Variants in FNBP4 observed in about 807,000 individuals in gnomAD.
The protein encoded by FNBP4 is formin binding protein 4, also known as formin-binding protein 4.
FNBP4 carries 34 observed loss-of-function variants against 119.3 expected under a neutral mutation model. The ratio of observed to expected loss-of-function variants is 0.28; its 90% CI spans 0.22 to 0.38. The LOEUF is 0.38. FNBP4 is among the 10% of genes least tolerant of loss of function. FNBP4 has a pLI of 1.00. For missense variants in FNBP4, 1,112 were observed against 1,228.9 expected (o/e 0.90, Z 1.42); for synonymous variants, 462 against 430.6 (o/e 1.07, Z -0.90).
intron 2 of FNBP4, among the ~76,000 whole-genome samples, chr11:47,760,135 G>A (rs1463392466): frequency 1.3e-5 from 2 of 152,046 alleles, no homozygotes; most frequent in Non-Finnish European, 2.9e-5. Context: ...TCACCTAAGA[G>A]CTTTTCACCT....
chr11:47,742,868 C>T (rs960480775), intron 8 of FNBP4, among the ~76,000 whole-genome samples: 2 of 151,714 alleles, frequency 1.3e-5, no homozygotes, highest in African/African-American at 4.8e-5. Context: ...CCAGCCTGGG[C>T]AACAAGAGTG....
intron 2 of FNBP4, among the ~76,000 whole-genome samples, chr11:47,755,808 AAAAC>A (rs1310145653): frequency 6.6e-6 from 1 of 151,878 alleles, no homozygotes; most frequent in Admixed American, 6.6e-5. Flanking sequence ...AAAAAAAACA[AAAAC>A]AAAAAAAATC....
At position 47,732,707 on chromosome 11, in the gene FNBP4, T is replaced by C; in HGVS notation, c.1687-37A>G. 2 of 1,588,308 alleles carry C rather than the reference T, an allele frequency of 1.3e-6. No individual in the cohort carries two copies. Among genetic ancestry groups the C allele is most frequent in the Non-Finnish European group, 8.6e-7 (1 of 1,156,532 alleles). ...AGACAAATAAGTTAAAGACTTATTA[T>C]TACATGTCAGGAGACACAGGCAAAG... On this transcript the variant is annotated intron_variant, in intron 10 of 16. Transcript: ENST00000263773. This position sits in a 1 kb window ranked among gnomAD's most constrained non-coding sequence, Gnocchi z 4.2.
chr11:47,721,103 C>G (rs944040344), intron 15 of FNBP4, among the ~76,000 whole-genome samples: 1 of 151,704 alleles, frequency 6.6e-6, no homozygotes, highest in Non-Finnish European at 1.5e-5. Context: ...GGGAGGATCA[C>G]GAGGTCAGGT....
chr11:47,754,480 C>A, intron 3 of FNBP4, 48 bp downstream of exon 3: 1 of 1,596,352 alleles, frequency 6.3e-7, no homozygotes, highest in Non-Finnish European at 8.5e-7. Flanking sequence ...AGATCCAGGT[C>A]CCAAAGTAGC....
chr11:47,732,000 G>A, intron 11 of FNBP4: 1 of 993,122 alleles, frequency 1.0e-6, no homozygotes, highest in African/African-American at 1.7e-5. Context: ...ATCAAACACA[G>A]TGAAAGCTAA....
At chr11:47,740,738 G>A (rs887591990) in intron 8 of FNBP4, among the ~76,000 whole-genome samples, 1 of 151,412 alleles carries the variant, frequency 6.6e-6, no homozygotes, top group African/African-American at 2.4e-5. Context: ...GATTACAGGC[G>A]AGCACCACCA....
intron 2 of FNBP4, among the ~76,000 whole-genome samples, chr11:47,756,392 CT>C (rs2097618266): frequency 2.0e-5 from 3 of 152,178 alleles, no homozygotes; most frequent in African/African-American, 7.2e-5. Flanking sequence ...AAAGTTAAAT[CT>C]AGTTTTGTGT....
At chr11:47,759,416 G>T (rs1247302877) in intron 2 of FNBP4, among the ~76,000 whole-genome samples, 1 of 151,666 alleles carries the variant, frequency 6.6e-6, no homozygotes, top group East Asian at 2.0e-4. Flanking sequence ...GTTTCACCAT[G>T]TTGGCCAGGC....
rs2097612039 is a variant in FNBP4, at chr11:47,754,536, A to G, written c.442T>C (p.Phe148Leu). ...ACGAAAGCACCACTAACCGCTAGGA[A>G]GTTGGCCAATGTACTATCAATATCA... ...STDIDSTLAN[F>L]LAEIDAITAP... Residue 148 changes from phenylalanine (F) to leucine (L), a missense_variant, in exon 3 of 17, where the codon TTC becomes CTC. Physicochemically the swap from Phe to Leu is conservative, Grantham distance 22. Coordinates refer to ENST00000263773, the MANE Select transcript of FNBP4 (RefSeq NM_015308.5). The G allele has an allele frequency of 6.2e-7, 1 of 1,613,294 alleles. No homozygotes were observed.
chr11:47,759,361 A>G (rs2097627785), intron 2 of FNBP4, among the ~76,000 whole-genome samples: 1 of 150,278 alleles, frequency 6.7e-6, no homozygotes, highest in Admixed American at 6.7e-5. Context: ...ATAGGCGTGC[A>G]CCACCACGCC....
chr11:47,753,029 C>A lies in FNBP4; in HGVS notation c.524G>T (p.Arg175Leu). 6.2e-7 allele frequency: 1 copy of A among 1,613,924 alleles called. No homozygotes were observed. The highest frequency in any genetic ancestry group is 1.1e-5 in the South Asian group (1 of 91,024). The change falls in exon 4 of 17, where the codon CGA (arginine) becomes CTA (leucine). Residue 175 changes from arginine (R) to leucine (L), a missense_variant. Arg to Leu is a moderately radical substitution (Grantham distance 102). Transcript: ENST00000263773. ...TGTTGCTGCTTCCTTTGGCTCTGGT[C>A]GAGGTGGAGTTGGAGGTGGAGCAGA... ...GASAPPPTPPRPEPKEAATST... is the reference protein window; with the variant it reads ...GASAPPPTPPLPEPKEAATST...
At chr11:47,741,356 G>C (rs941910319) in intron 8 of FNBP4, among the ~76,000 whole-genome samples, 1 of 151,590 alleles carries the variant, frequency 6.6e-6, no homozygotes, top group Non-Finnish European at 1.5e-5. Context: ...ACATTTTAGA[G>C]ACAGTGTCTT....
Position 47,767,278 on chromosome 11 carries a change from T to C in FNBP4, c.11A>G (p.Lys4Arg), listed in dbSNP as rs1014029895. 1.3e-6 allele frequency: 2 copies of C among 1,528,180 alleles called. No homozygotes were observed. The highest frequency in any genetic ancestry group is 8.7e-7 in the Non-Finnish European group (1 of 1,145,588). 94.7% of individuals were successfully genotyped at this position (1,528,180 alleles called of 1,614,324 possible). MGKKSRAVPGRRPI... is the reference protein window; with the variant it reads MGKRSRAVPGRRPI... ...CCTACGGCCGGGTACCGCCCGGGAC[T>C]TCTTCCCCATCGCGAGCCCAAGCGC... The change falls in exon 1 of 17, where the codon AAG becomes AGG. Residue 4 changes from lysine to arginine, a missense_variant. By Grantham distance (26) the Lys-to-Arg change is conservative. Around this residue, in one of 2 missense-constraint regions of FNBP4, gnomAD observed 286 missense variants for 240.1 expected, o/e 1.19. Transcript: ENST00000263773.
At chr11:47,728,869 T>TTTTA (rs2097564197) in intron 12 of FNBP4, among the ~76,000 whole-genome samples, 1 of 148,954 alleles carries the variant, frequency 6.7e-6, no homozygotes, top group Non-Finnish European at 1.5e-5. Flanking sequence ...TTTTTTTTTT[T>TTTTA]AGATAAAGAG....
intron 11 of FNBP4, chr11:47,731,988 A>T (rs920888414): frequency 1.4e-5 from 14 of 994,268 alleles, no homozygotes; most frequent in Non-Finnish European, 1.6e-5. Context: ...CATATTCTTG[A>T]TATCAAACAC....
At chr11:47,766,703 G>C (rs1252939254) in intron 1 of FNBP4, among the ~76,000 whole-genome samples, 1 of 152,252 alleles carries the variant, frequency 6.6e-6, no homozygotes, top group Non-Finnish European at 1.5e-5. Flanking sequence ...GTGTGGAAAG[G>C]CCTGGCCCAC....
chr11:47,746,157 G>A lies in FNBP4; in HGVS notation c.1144C>T (p.Pro382Ser), dbSNP rs200179220. ...QEIMLDNIED[P>S]SQEDLCSVVQ... is the part of the protein sequence containing the mutation. ...ACACTGCAAAGATCCTCCTGAGAAG[G>A]GTCTTCTATATTGTCCAACATAATT... Residue 382 changes from proline (P) to serine (S), a missense_variant, in exon 7 of 17, where the codon CCT becomes TCT. Transcript: ENST00000263773. The A allele has an allele frequency of 8.2e-5, 132 of 1,614,088 alleles. No individual in the cohort carries two copies. The highest frequency in any genetic ancestry group is 5.0e-4 in the Admixed American group (30 of 60,004).
chr11:47,754,718 G>A, intron 2 of FNBP4, 54 bp from the exon 3 acceptor site: 3 of 1,584,022 alleles, frequency 1.9e-6, no homozygotes, highest in South Asian at 1.2e-5. Context: ...TATGTCCTAA[G>A]AAGCATCTAA....
Sources: gnomAD v4.1 joint callset for allele counts (sites outside exome capture counted in the v4.1 genomes callset) on GRCh38, gnomAD v4.1.1 for gene constraint, gnomAD v4.1.1 regional missense constraint, Gnocchi (gnomAD v3.1) non-coding constraint, MANE v1.5 for transcripts, NCBI Gene and HGNC (gene_info 2026-07-23, HGNC 2026-07-21) for gene names.